The following PARN variants were observed in gnomAD, a reference collection of about 807,000 sequenced individuals.
PARN encodes poly(A)-specific ribonuclease, also known as poly(A)-specific ribonuclease PARN.
A neutral mutation model predicts 102.8 loss-of-function variants in PARN; 71 were observed. The ratio of observed to expected loss-of-function variants is 0.69; its 90% CI spans 0.57 to 0.84. The LOEUF is 0.84. Ranked by LOEUF, PARN falls within the 40% of genes least tolerant of loss-of-function variation. PARN has a pLI of 0.00. For missense variants in PARN, 782 were observed against 760.9 expected (o/e 1.03, Z -0.33); for synonymous variants, 261 against 252.9 (o/e 1.03, Z -0.30).
In PARN at chr16:14,537,209, A is replaced by G. The variant is rs928525416; in HGVS notation, c.1480+14812T>C. Among the ~76,000 whole-genome samples, 3 of 152,334 alleles carry G rather than the reference A, an allele frequency of 2.0e-5. No homozygotes were observed. In the East Asian group the frequency reaches 5.8e-4, roughly 29 times the overall value. On this transcript the variant is annotated intron_variant, in intron 21 of 23. Coordinates refer to ENST00000437198, the MANE Select transcript of PARN (RefSeq NM_002582.4). ...AAATGTTCAACATCACTAAATCAACAGGGAAATGTGAATCAAAACAACAGT... is the reference window on the plus strand; with the variant it reads ...AAATGTTCAACATCACTAAATCAACGGGGAAATGTGAATCAAAACAACAGT...
intron 11 of PARN, among the ~76,000 whole-genome samples, chr16:14,602,841 G>C (rs1247369814): frequency 6.6e-6 from 1 of 152,100 alleles, no homozygotes. Flanking sequence ...GAGCTGCAGA[G>C]TATCAAAGCC....
intron 15 of PARN, 69 bp from the exon 16 acceptor site, chr16:14,584,491 G>GC (rs1969723046): frequency 8.1e-7 from 1 of 1,230,616 alleles, no homozygotes; most frequent in Non-Finnish European, 1.2e-6. Flanking sequence ...GAGATTCACT[G>GC]ACCCCCCCAA....
chr16:14,579,135 T>G (rs1318087434), intron 18 of PARN, among the ~76,000 whole-genome samples: 1 of 152,106 alleles, frequency 6.6e-6, no homozygotes, highest in Non-Finnish European at 1.5e-5. Context: ...TACAGGCTAA[T>G]TTTTGTACTT....
intron 18 of PARN, among the ~76,000 whole-genome samples, chr16:14,564,171 C>A (rs1004971485): frequency 6.6e-6 from 1 of 152,128 alleles, no homozygotes; most frequent in African/African-American, 2.4e-5. Flanking sequence ...AGAGTACCAG[C>A]GGGAGCAGCT....
rs1276416089 is a variant in PARN at position 14,435,805 on chromosome 16, G to A, written c.*912C>T. The A allele has an allele frequency of 6.6e-6, 1 of 151,632 alleles. No homozygotes were observed. The highest frequency in any genetic ancestry group is 6.6e-5 in the Admixed American group (1 of 15,196). 9.4% of individuals were successfully genotyped at this position (151,632 alleles called of 1,614,324 possible). A position where few individuals can be genotyped will look rare whatever the true frequency, so the allele number is the denominator to read the frequency against. ...ATCTAACAATGATCTATCTGAAGCG[G>A]GTGGAGCAAAGCAGCGCCATGAGCG... On this transcript the variant is annotated 3_prime_UTR_variant, in exon 24 of 24. Coordinates refer to ENST00000437198, the MANE Select transcript of PARN (RefSeq NM_002582.4).
At chr16:14,438,121 AG>A (rs1429542387) in intron 23 of PARN, among the ~76,000 whole-genome samples, 1 of 152,182 alleles carries the variant, frequency 6.6e-6, no homozygotes, top group Non-Finnish European at 1.5e-5. Context: ...TCCACTGAAA[AG>A]GACTCATGGG....
At chr16:14,437,378 G>A (rs953948481) in intron 23 of PARN, among the ~76,000 whole-genome samples, 9 of 152,358 alleles carry the variant, frequency 5.9e-5, no homozygotes, top group Middle Eastern at 3.4e-3. Context: ...AAGCCAACCA[G>A]TGGGGGTTCC....
At chr16:14,587,549 G>C (rs1297016292) in intron 13 of PARN, among the ~76,000 whole-genome samples, 1 of 152,148 alleles carries the variant, frequency 6.6e-6, no homozygotes, top group African/African-American at 2.4e-5. Flanking sequence ...GCCCAGACTA[G>C]CCTTGAACTC....
intron 18 of PARN, among the ~76,000 whole-genome samples, chr16:14,580,665 T>C (rs1384039344): frequency 6.6e-6 from 1 of 152,162 alleles, no homozygotes; most frequent in Admixed American, 6.5e-5. Context: ...TAGCAATGTT[T>C]TCTTTTTTTT....
intron 22 of PARN, among the ~76,000 whole-genome samples, chr16:14,468,916 T>C (rs1322988956): frequency 7.3e-6 from 1 of 137,466 alleles, no homozygotes; most frequent in Non-Finnish European, 1.7e-5. Flanking sequence ...GATAGATAGA[T>C]AGATAGATAA....
At chr16:14,469,602 A>C (rs1962595432) in intron 22 of PARN, among the ~76,000 whole-genome samples, 1 of 152,190 alleles carries the variant, frequency 6.6e-6, no homozygotes, top group African/African-American at 2.4e-5. Context: ...GGGCCACAGC[A>C]GTCATTTTTC....
intron 21 of PARN, among the ~76,000 whole-genome samples, chr16:14,525,157 C>T (rs1034984108): frequency 3.9e-5 from 6 of 152,052 alleles, no homozygotes; most frequent in Non-Finnish European, 7.4e-5. Context: ...GAAAAAGATC[C>T]GGATTAAGTT....
intron 21 of PARN, among the ~76,000 whole-genome samples, chr16:14,519,986 T>A (rs1965656350): frequency 6.6e-6 from 1 of 152,114 alleles, no homozygotes; most frequent in South Asian, 2.1e-4. Context: ...ATGTGCTTCC[T>A]GATGGAAGAA....
chr16:14,531,205 C>T (rs767951393), intron 21 of PARN, among the ~76,000 whole-genome samples: 6 of 152,030 alleles, frequency 3.9e-5, no homozygotes, highest in Admixed American at 2.0e-4. Flanking sequence ...ATTAGCCAGG[C>T]GTTGTGGTTA....
At chr16:14,466,402 G>A (rs1015640400) in intron 22 of PARN, among the ~76,000 whole-genome samples, 9 of 152,144 alleles carry the variant, frequency 5.9e-5, no homozygotes, top group African/African-American at 2.2e-4. Flanking sequence ...CTACTGCGAT[G>A]TTAAGTCATG....
chr16:14,477,108 TA>T (rs1246633161), intron 22 of PARN, among the ~76,000 whole-genome samples: 3 of 152,130 alleles, frequency 2.0e-5, no homozygotes, highest in Admixed American at 6.5e-5. Flanking sequence ...CAGTTACCAG[TA>T]AAAGACTGAA....
intron 21 of PARN, among the ~76,000 whole-genome samples, chr16:14,544,689 T>C (rs930865919): frequency 6.6e-6 from 1 of 152,082 alleles, no homozygotes; most frequent in African/African-American, 2.4e-5. Flanking sequence ...TTACAAAAGA[T>C]AAAGGAGAAC....
intron 21 of PARN, among the ~76,000 whole-genome samples, chr16:14,529,991 C>A (rs1034133329): frequency 2.0e-5 from 3 of 152,040 alleles, no homozygotes; most frequent in Non-Finnish European, 4.4e-5. Context: ...TCCAAGAGAC[C>A]CCAGCAGCTG....
chr16:14,599,303 G>A (rs561861005), intron 12 of PARN, among the ~76,000 whole-genome samples: 6 of 152,022 alleles, frequency 3.9e-5, no homozygotes, highest in East Asian at 3.9e-4. Flanking sequence ...TCGGCCTCCC[G>A]AAGTGCTGGG....
Sources: gnomAD v4.1 joint callset for allele counts (sites outside exome capture counted in the v4.1 genomes callset) on GRCh38, gnomAD v4.1.1 for gene constraint, MANE v1.5 for transcripts, NCBI Gene and HGNC (gene_info 2026-07-23, HGNC 2026-07-21) for gene names.